The following DNM3 variants were observed in gnomAD, a reference collection of about 807,000 sequenced individuals.
DNM3 encodes dynamin-3.
A neutral mutation model predicts 101.6 loss-of-function variants in DNM3; 47 were observed. The ratio of observed to expected loss-of-function variants is 0.46; its 90% CI spans 0.37 to 0.59. The LOEUF (loss-of-function observed/expected upper bound fraction) is 0.59. DNM3 is among the 20% of genes least tolerant of loss of function. The probability of loss-of-function intolerance (pLI) is 0.00; values close to 1 mark genes in which losing one functional copy is unlikely to be tolerated. For synonymous variants in DNM3, 385 were observed against 387.9 expected, an observed-to-expected ratio of 0.99 and a Z score of 0.09; for missense variants, 849 against 1,085.7, an observed-to-expected ratio of 0.78 and a Z score of 3.06.
At chr1:172,200,383 T>A (rs574923235) in intron 14 of DNM3, among the ~76,000 whole-genome samples, 1 of 152,232 alleles carries the variant, frequency 6.6e-6, no homozygotes, top group East Asian at 1.9e-4. Context: ...GTTATGGCCT[T>A]AGGATAATCT....
intron 6 of DNM3, among the ~76,000 whole-genome samples, chr1:172,035,093 G>T (rs1474845159): frequency 6.6e-6 from 1 of 152,126 alleles, no homozygotes; most frequent in Non-Finnish European, 1.5e-5. Context: ...AAAGGGGCGG[G>T]TTTGAGAAAT....
At chr1:172,316,950 C>T (rs574971432) in intron 16 of DNM3, among the ~76,000 whole-genome samples, 5 of 152,184 alleles carry the variant, frequency 3.3e-5, no homozygotes, top group Middle Eastern at 3.4e-3. Context: ...TTTTCAGCAC[C>T]GCACCACACC....
intron 17 of DNM3, 46 bp downstream of exon 17, chr1:172,323,386 G>C (rs574212228): frequency 7.9e-5 from 126 of 1,590,908 alleles, no homozygotes; most frequent in Middle Eastern, 3.3e-4. Context: ...CCCAGCCCCT[G>C]CTCCGCTCCT....
intron 15 of DNM3, 25 bp downstream of exon 15, chr1:172,253,707 C>T: frequency 6.8e-7 from 1 of 1,479,026 alleles, no homozygotes; most frequent in Non-Finnish European, 9.1e-7. Context: ...CAGTTCCTGT[C>T]TTCAGATTTT....
intron 1 of DNM3, among the ~76,000 whole-genome samples, chr1:171,907,670 A>G (rs923595083): frequency 2.6e-5 from 4 of 152,020 alleles, no homozygotes; most frequent in African/African-American, 7.3e-5. Flanking sequence ...ATTCCTCTCT[A>G]GCATGCCAGG....
In DNM3 at chr1:172,412,269, T is replaced by A; in HGVS notation, c.*4428T>A. On this transcript the variant is annotated 3_prime_UTR_variant, in exon 21 of 21. Transcript: ENST00000627582. ...TAAACTTCGCTCATTATGAAATGTT[T>A]TAAAATTATGACAAAAATTACTCTG... 1 of 985,408 alleles carries A rather than the reference T, an allele frequency of 1.0e-6. No homozygotes were observed. The highest frequency in any genetic ancestry group is 1.2e-6 in the Non-Finnish European group (1 of 829,842). The allele number at this position is 985,408 out of a possible 1,614,324, so 61.0% of individuals were successfully genotyped here. A position where few individuals can be genotyped will look rare whatever the true frequency, so the allele number is the denominator to read the frequency against.
At chr1:171,927,285 G>A (rs12133814) in intron 2 of DNM3, among the ~76,000 whole-genome samples, 23,104 of 152,034 alleles carry the variant, frequency 0.15, 2,315 homozygotes, top group South Asian at 0.26. Flanking sequence ...AAGGTTTGTC[G>A]CATAAATAAA....
rs554689913 is a variant in DNM3 at position 172,305,189 on chromosome 1, G to C, written c.1770-3539G>C. Among the ~76,000 whole-genome samples, 421 of 152,216 alleles carry C rather than the reference G, an allele frequency of 2.8e-3. 1 individual carries two copies. The highest frequency in any genetic ancestry group is 9.5e-3 in the African/African-American group (395 of 41,536). ...GAATCAAATAGATGCAATAAAAAAT[G>C]ATAAAGGGGATATCATCACCGATCC... On this transcript the variant is annotated intron_variant, in intron 15 of 20. Coordinates refer to ENST00000627582, the MANE Select transcript of DNM3 (RefSeq NM_015569.5).
intron 15 of DNM3, among the ~76,000 whole-genome samples, chr1:172,285,770 A>G (rs947594909): frequency 6.6e-6 from 1 of 152,154 alleles, no homozygotes; most frequent in Admixed American, 6.6e-5. Context: ...CATTGGCACC[A>G]TGATCCTACC....
At chr1:171,998,010 T>C (rs1473809083) in intron 4 of DNM3, among the ~76,000 whole-genome samples, 1 of 152,154 alleles carries the variant, frequency 6.6e-6, no homozygotes, top group Non-Finnish European at 1.5e-5. Flanking sequence ...GCCAGTCAGG[T>C]GGCATCACCC....
chr1:172,176,899 G>A (rs981151087), intron 14 of DNM3, among the ~76,000 whole-genome samples: 10 of 151,646 alleles, frequency 6.6e-5, no homozygotes, highest in African/African-American at 2.4e-4. Flanking sequence ...GAGGTTGGAG[G>A]GAGGAAAAAT....
At chr1:172,388,494 G>T in intron 19 of DNM3, 79 bp from the exon 20 acceptor site, 1 of 1,236,032 alleles carries the variant, frequency 8.1e-7, no homozygotes. Context: ...TTAAAAAGCA[G>T]GAAGTTACAA....
chr1:172,258,653 C>G (rs976328012), intron 15 of DNM3, among the ~76,000 whole-genome samples: 1 of 151,964 alleles, frequency 6.6e-6, no homozygotes, highest in African/African-American at 2.4e-5. Flanking sequence ...CCTGATTAGT[C>G]TTACGATTGT....
chr1:172,277,718 A>G (rs558790187), intron 15 of DNM3, among the ~76,000 whole-genome samples: 1 of 152,262 alleles, frequency 6.6e-6, no homozygotes, highest in African/African-American at 2.4e-5. Flanking sequence ...TCTTTTATGA[A>G]AATAGCGAAA....
chr1:172,135,566 G>A (rs2057176482), intron 14 of DNM3, among the ~76,000 whole-genome samples: 1 of 151,770 alleles, frequency 6.6e-6, no homozygotes, highest in African/African-American at 2.4e-5. Context: ...TTCCTGGATT[G>A]AAAATCATTT....
At chr1:171,909,196 T>A (rs1024642557) in intron 1 of DNM3, among the ~76,000 whole-genome samples, 6 of 152,018 alleles carry the variant, frequency 3.9e-5, no homozygotes, top group Non-Finnish European at 4.4e-5. Context: ...ATGTCAGCAC[T>A]TTGGGAGGCC....
intron 17 of DNM3, among the ~76,000 whole-genome samples, chr1:172,342,249 A>G (rs1364766300): frequency 4.6e-5 from 7 of 152,210 alleles, no homozygotes; most frequent in African/African-American, 1.7e-4. Context: ...CAGCAATTCC[A>G]TTATTGGTTA....
chr1:172,096,037 C>T (rs915539219), intron 13 of DNM3, among the ~76,000 whole-genome samples: 7 of 152,220 alleles, frequency 4.6e-5, no homozygotes, highest in East Asian at 1.9e-4. Flanking sequence ...CACAGCTCAG[C>T]GGGGATGATG....
chr1:172,068,708 C>T, intron 10 of DNM3, 111 bp from the exon 11 acceptor site: 1 of 934,608 alleles, frequency 1.1e-6, no homozygotes, highest in Admixed American at 2.2e-5. Context: ...TTCATTTTTG[C>T]TTCCAGAATG....
Sources: allele counts gnomAD v4.1 joint callset (sites outside exome capture counted in the v4.1 genomes callset), GRCh38; gene constraint gnomAD v4.1.1; transcripts MANE v1.5; gene names NCBI Gene and HGNC (gene_info 2026-07-23, HGNC 2026-07-21).